The following RAP1GDS1 variants were observed in gnomAD, a reference collection of about 807,000 sequenced individuals.
The protein encoded by RAP1GDS1 is RAP1, GTP-GDP dissociation stimulator 1.
RAP1GDS1 carries 35 observed loss-of-function variants against 71.1 expected under a neutral mutation model. That is an observed-to-expected ratio of 0.49 (90% CI 0.38 to 0.65). The LOEUF (loss-of-function observed/expected upper bound fraction) is 0.65, where lower values mean the gene tolerates loss of function less well. RAP1GDS1 is among the 30% of genes least tolerant of loss of function. The pLI is 0.00. For synonymous variants in RAP1GDS1, 229 were observed against 243.1 expected (o/e 0.94, Z 0.54); for missense variants, 663 against 706.1 (o/e 0.94, Z 0.69).
At chr4:98,272,224 C>G (rs894873595) in intron 1 of RAP1GDS1, among the ~76,000 whole-genome samples, 2 of 152,168 alleles carry the variant, frequency 1.3e-5, no homozygotes, top group African/African-American at 4.8e-5. Context: ...ATAATTATTA[C>G]TAGGCGCAAA....
chr4:98,404,681 C>T, intron 7 of RAP1GDS1, 79 bp downstream of exon 7: 2 of 1,475,924 alleles, frequency 1.4e-6, no homozygotes, highest in Non-Finnish European at 1.8e-6. Flanking sequence ...TAATTGCCAG[C>T]CATTTGACTC....
rs1214838631 is a variant in RAP1GDS1 at position 98,442,151 on chromosome 4, A to G, written c.*34A>G. The G allele has an allele frequency of 1.7e-5, 27 of 1,604,566 alleles. No individual in the cohort carries two copies. The highest frequency in any genetic ancestry group is 1.7e-4 in the Middle Eastern group (1 of 6,030). ...CGATACACGGCATCATCCCATCTCTAATTTCCCCTCTGTCCTCCATCCAGC... is the reference window on the plus strand; with the variant it reads ...CGATACACGGCATCATCCCATCTCTGATTTCCCCTCTGTCCTCCATCCAGC... On this transcript the variant is annotated 3_prime_UTR_variant, in exon 15 of 15. Coordinates refer to ENST00000408927, the MANE Select transcript of RAP1GDS1 (RefSeq NM_001100427.2).
chr4:98,272,899 A>AT (rs1289095445), intron 1 of RAP1GDS1, among the ~76,000 whole-genome samples: 3 of 152,028 alleles, frequency 2.0e-5, no homozygotes, highest in African/African-American at 7.2e-5. Flanking sequence ...TAAAACAACG[A>AT]TTTTTTTCTG....
intron 3 of RAP1GDS1, among the ~76,000 whole-genome samples, chr4:98,346,369 C>A (rs765491114): frequency 6.6e-6 from 1 of 151,752 alleles, no homozygotes; most frequent in African/African-American, 2.4e-5. Context: ...TTAATTTTGC[C>A]CTCTATTCCA....
intron 12 of RAP1GDS1, among the ~76,000 whole-genome samples, chr4:98,428,169 C>T (rs2110206665): frequency 6.6e-6 from 1 of 152,066 alleles, no homozygotes; most frequent in Middle Eastern, 3.4e-3. Context: ...ACTGTTGCCT[C>T]ATTTCCAACT....
rs185674969 is a variant in RAP1GDS1, at chr4:98,269,998, A to G, written c.4+8429A>G. ...TATATAAAGAACAGAAATTTATTCT[A>G]TCAGAGTTCTGGAGTCTGGTAACTA... On this transcript the variant is annotated intron_variant, in intron 1 of 14. Coordinates refer to ENST00000408927, the MANE Select transcript of RAP1GDS1 (RefSeq NM_001100427.2). Among the ~76,000 whole-genome samples the G allele has an allele frequency of 7.2e-5, 11 of 152,302 alleles. No homozygotes were observed. The East Asian group carries it at 1.7e-3, about 24-fold the overall frequency.
At chr4:98,367,854 T>G (rs1739749396) in intron 4 of RAP1GDS1, among the ~76,000 whole-genome samples, 1 of 152,210 alleles carries the variant, frequency 6.6e-6, no homozygotes, top group South Asian at 2.1e-4. Context: ...CTTTTGATTT[T>G]ACAGGTTCAT....
In RAP1GDS1 at chr4:98,416,854, T is replaced by C; in HGVS notation, c.873T>C (p.Thr291=). Residue 291 remains threonine (T), a synonymous_variant, in exon 8 of 15, where the codon ACT becomes ACC. Transcript: ENST00000408927. ...DKEDDITELK[T]GSDLMVLLLL... ...AAGATGATATTACTGAGCTCAAAAC[T>C]GGTTCAGATCTCATGGTTTTATTAC... 6.2e-7 allele frequency: 1 copy of C among 1,613,994 alleles called. No individual in the cohort carries two copies. Among genetic ancestry groups the C allele is most frequent in the African/African-American group, 1.3e-5 (1 of 75,036 alleles).
intron 12 of RAP1GDS1, among the ~76,000 whole-genome samples, chr4:98,424,729 C>A (rs1749366020): frequency 6.6e-6 from 1 of 150,384 alleles, no homozygotes; most frequent in Non-Finnish European, 1.5e-5. Flanking sequence ...CCACTGCACT[C>A]CATCCTGGGT....
chr4:98,422,306 C>T (rs1326447639), intron 12 of RAP1GDS1, among the ~76,000 whole-genome samples: 1 of 152,070 alleles, frequency 6.6e-6, no homozygotes, highest in African/African-American at 2.4e-5. Context: ...CAACCTCCAC[C>T]TCCTGGGTTC....
chr4:98,418,943 A>G (rs1748412210), intron 10 of RAP1GDS1, 152 bp downstream of exon 10: 5 of 809,140 alleles, frequency 6.2e-6, no homozygotes, highest in Non-Finnish European at 8.8e-6. Context: ...ATGCTAATAA[A>G]TGGAGATCAT....
At chr4:98,431,031 G>C (rs986884907) in intron 12 of RAP1GDS1, among the ~76,000 whole-genome samples, 5 of 152,094 alleles carry the variant, frequency 3.3e-5, no homozygotes, top group South Asian at 2.1e-4. Context: ...TCCAATTATA[G>C]ACATCAAAAA....
intron 6 of RAP1GDS1, among the ~76,000 whole-genome samples, chr4:98,397,945 G>T (rs1338504581): frequency 6.6e-6 from 1 of 152,074 alleles, no homozygotes; most frequent in African/African-American, 2.4e-5. Context: ...TTATATTGAG[G>T]GTTCTCTACA....
At chr4:98,428,039 C>T (rs559548204) in intron 12 of RAP1GDS1, among the ~76,000 whole-genome samples, 12 of 152,062 alleles carry the variant, frequency 7.9e-5, no homozygotes, top group Non-Finnish European at 1.6e-4. Context: ...AATAGAGAAC[C>T]GAGTAATAAC....
chr4:98,307,938 G>A (rs987501294), intron 2 of RAP1GDS1, among the ~76,000 whole-genome samples: 45 of 151,968 alleles, frequency 3.0e-4, no homozygotes, highest in African/African-American at 9.9e-4. Context: ...TGGCCCTTCT[G>A]ATGTTTCACC....
chr4:98,425,856 T>C (rs892495835), intron 12 of RAP1GDS1, among the ~76,000 whole-genome samples: 1 of 152,280 alleles, frequency 6.6e-6, no homozygotes, highest in Admixed American at 6.5e-5. Context: ...ATTTAAACTA[T>C]ACCCTAGAAC....
At chr4:98,342,154 C>G (rs1375206912) in intron 2 of RAP1GDS1, among the ~76,000 whole-genome samples, 2 of 152,184 alleles carry the variant, frequency 1.3e-5, no homozygotes, top group East Asian at 3.9e-4. Flanking sequence ...ATGTTACGTA[C>G]TTTTTTGTGG....
chr4:98,374,585 G>T (rs1560921711), intron 4 of RAP1GDS1, among the ~76,000 whole-genome samples: 1 of 152,164 alleles, frequency 6.6e-6, no homozygotes, highest in African/African-American at 2.4e-5. Flanking sequence ...CAGATTAACA[G>T]TATTTAATCT....
chr4:98,335,998 A>T (rs1734667035), intron 2 of RAP1GDS1, among the ~76,000 whole-genome samples: 1 of 152,158 alleles, frequency 6.6e-6, no homozygotes, highest in African/African-American at 2.4e-5. Flanking sequence ...TAGCAAATTG[A>T]CGACTTCAAA....
Sources: allele counts gnomAD v4.1 joint callset (sites outside exome capture counted in the v4.1 genomes callset), GRCh38; gene constraint gnomAD v4.1.1; transcripts MANE v1.5; gene names NCBI Gene and HGNC (gene_info 2026-07-23, HGNC 2026-07-21).